The following SPTLC2 variants were observed in gnomAD, a reference collection of about 807,000 sequenced individuals.
SPTLC2 encodes the protein serine palmitoyltransferase long chain base subunit 2, also known as serine palmitoyltransferase 2.
In SPTLC2, 21 loss-of-function variants were observed where a neutral mutation model predicts 62.0. The ratio of observed to expected loss-of-function variants is 0.34; its 90% CI spans 0.24 to 0.49. The LOEUF (loss-of-function observed/expected upper bound fraction) is 0.49, where lower values mean the gene tolerates loss of function less well. SPTLC2 is among the 20% of genes least tolerant of loss of function. The pLI is 0.99. For missense variants in SPTLC2, 511 were observed against 713.0 expected (o/e 0.72, Z 3.23); for synonymous variants, 261 against 261.8 (o/e 1.00, Z 0.03).
chr14:77,570,222 CAAAAA>C (rs35086251), intron 5 of SPTLC2, among the ~76,000 whole-genome samples, 157 bp downstream of exon 5: 2 of 111,402 alleles, frequency 1.8e-5, no homozygotes. Flanking sequence ...GACTCCATCT[CAAAAA>C]AAAAAAAAAA....
At chr14:77,519,855 G>C (rs937904358) in intron 10 of SPTLC2, among the ~76,000 whole-genome samples, 10 of 151,940 alleles carry the variant, frequency 6.6e-5, no homozygotes, top group African/African-American at 2.2e-4. Context: ...AAACTGTCTA[G>C]TGCCTTATTC....
chr14:77,546,303 CAATAATCAAGAAGCTGCTTTAAAA>C (rs1566775556), intron 9 of SPTLC2, among the ~76,000 whole-genome samples: 1 of 152,034 alleles, frequency 6.6e-6, no homozygotes, highest in South Asian at 2.1e-4. Flanking sequence ...CTTTTGTGCT[CAATAATCAAGAAGCTGCTTTAAAA>C]AATAATCAAG....
intron 9 of SPTLC2, 122 bp from the exon 10 acceptor site, chr14:77,521,703 C>T (rs572643071): frequency 3.4e-6 from 3 of 888,798 alleles, no homozygotes; most frequent in Non-Finnish European, 5.4e-6. Context: ...TTCCATTTCA[C>T]CATAAAATAT....
At chr14:77,519,579 G>A (rs1594968013) in intron 10 of SPTLC2, among the ~76,000 whole-genome samples, 2 of 152,036 alleles carry the variant, frequency 1.3e-5, no homozygotes, top group South Asian at 4.1e-4. Context: ...TTAGCCAGGT[G>A]TGGTGGCACA....
At chr14:77,548,964 A>T (rs1024530003) in intron 9 of SPTLC2, among the ~76,000 whole-genome samples, 1 of 152,176 alleles carries the variant, frequency 6.6e-6, no homozygotes, top group African/African-American at 2.4e-5. Flanking sequence ...CAGGTACTTA[A>T]TGTACTCTGG....
chr14:77,570,595 T>C (rs1409645616), intron 4 of SPTLC2, 87 bp from the exon 5 acceptor site: 7 of 1,515,384 alleles, frequency 4.6e-6, no homozygotes, highest in African/African-American at 4.1e-5. Context: ...TCATAGTATA[T>C]GTGTTGTGTC....
intron 5 of SPTLC2, among the ~76,000 whole-genome samples, chr14:77,566,548 C>G (rs2079645965): frequency 6.6e-6 from 1 of 152,194 alleles, no homozygotes. Context: ...TCACTGCAAG[C>G]TCCGCCTCCC....
intron 9 of SPTLC2, among the ~76,000 whole-genome samples, chr14:77,523,396 T>C (rs888718365): frequency 5.3e-5 from 8 of 151,986 alleles, no homozygotes; most frequent in African/African-American, 1.7e-4. Context: ...CATCTGAGAT[T>C]GGAGTGGAGA....
chr14:77,614,673 C>A (rs986293242), intron 1 of SPTLC2, among the ~76,000 whole-genome samples: 12 of 142,362 alleles, frequency 8.4e-5, no homozygotes, highest in African/African-American at 2.9e-4. Flanking sequence ...CAAAAAAAAC[C>A]AAAAAAACAA....
intron 4 of SPTLC2, among the ~76,000 whole-genome samples, chr14:77,571,508 CA>C (rs71128649): frequency 2.2e-4 from 30 of 133,424 alleles, no homozygotes; most frequent in African/African-American, 2.6e-4. Context: ...GACTCTGACT[CA>C]AAAAAAAAAA....
intron 9 of SPTLC2, among the ~76,000 whole-genome samples, chr14:77,532,179 T>C (rs572063144): frequency 6.6e-6 from 1 of 152,200 alleles, no homozygotes; most frequent in East Asian, 1.9e-4. Context: ...GTGCTGCATA[T>C]TCCGGGAATT....
chr14:77,589,789 C>CCACACACACACA (rs10627978), intron 2 of SPTLC2, among the ~76,000 whole-genome samples: 2,886 of 146,264 alleles, frequency 0.02, 94 homozygotes, highest in African/African-American at 0.07. Flanking sequence ...GAGTCCGTCT[C>CCACACACACACA]CACACACACA....
At chr14:77,590,586 C>T (rs184410284) in intron 2 of SPTLC2, among the ~76,000 whole-genome samples, 279 of 152,250 alleles carry the variant, frequency 1.8e-3, no homozygotes, top group Non-Finnish European at 3.1e-3. Context: ...GTTGCACATG[C>T]CTGTAGTCCC....
At chr14:77,534,974 C>A (rs980406257) in intron 9 of SPTLC2, among the ~76,000 whole-genome samples, 1 of 151,848 alleles carries the variant, frequency 6.6e-6, no homozygotes, top group Non-Finnish European at 1.5e-5. Flanking sequence ...GTTGCCCAGG[C>A]GGAGTGCAAT....
chr14:77,551,946 A>G (rs1236046183), intron 9 of SPTLC2, 150 bp downstream of exon 9: 13 of 1,189,252 alleles, frequency 1.1e-5, no homozygotes, highest in Non-Finnish European at 1.6e-5. Context: ...TGTATCAAAC[A>G]CACTAAAAAA....
chr14:77,553,699 C>CCAG lies in SPTLC2; in HGVS notation c.1177-1480_1177-1478dup, dbSNP rs537689589. Among the ~76,000 whole-genome samples the CCAG allele has an allele frequency of 2.6e-4, 36 of 139,514 alleles. No individual in the cohort carries two copies. In the South Asian group the frequency reaches 4.6e-3, roughly 18 times the overall value. 91.5% of individuals were successfully genotyped at this position (139,514 alleles called of 152,430 possible). ...TGAGCCAAGATTGTGCCACTGAACTCCAGCCTGGCAATGGAGTAAGGCTTG... is the reference window on the plus strand; with the variant it reads ...TGAGCCAAGATTGTGCCACTGAACTCCAGCAGCCTGGCAATGGAGTAAGGCTTG... On this transcript the variant is annotated intron_variant, in intron 8 of 11. Transcript: ENST00000216484.
chr14:77,527,278 A>G (rs2079414096), intron 9 of SPTLC2, among the ~76,000 whole-genome samples: 1 of 151,892 alleles, frequency 6.6e-6, no homozygotes, highest in African/African-American at 2.4e-5. Context: ...TTGTATTTTT[A>G]GTAGAGACAG....
chr14:77,526,988 G>T (rs1222793467), intron 9 of SPTLC2, among the ~76,000 whole-genome samples: 1 of 151,872 alleles, frequency 6.6e-6, no homozygotes, highest in Non-Finnish European at 1.5e-5. Flanking sequence ...TAGAGATGGG[G>T]TTTCACCATG....
intron 6 of SPTLC2, 40 bp downstream of exon 6, chr14:77,562,356 G>C: frequency 6.3e-7 from 1 of 1,579,638 alleles, no homozygotes; most frequent in East Asian, 2.2e-5. Context: ...CGAAAGAATA[G>C]CAAAACCAAG....
Sources: allele counts gnomAD v4.1 joint callset (sites outside exome capture counted in the v4.1 genomes callset), GRCh38; gene constraint gnomAD v4.1.1; transcripts MANE v1.5; gene names NCBI Gene and HGNC (gene_info 2026-07-23, HGNC 2026-07-21).